Variants in RARB observed in about 807,000 individuals in gnomAD.
The protein encoded by RARB is retinoic acid receptor beta.
A neutral mutation model predicts 51.9 loss-of-function variants in RARB; 17 were observed. That is an observed-to-expected ratio of 0.33 (90% CI 0.22 to 0.49). The LOEUF (loss-of-function observed/expected upper bound fraction) is 0.49. Ranked by LOEUF, RARB falls within the 20% of genes least tolerant of loss-of-function variation. The probability of loss-of-function intolerance (pLI) is 0.99; values close to 1 mark genes in which losing one functional copy is unlikely to be tolerated. For synonymous variants in RARB, 215 were observed against 195.4 expected (o/e 1.10, Z -0.84); for missense variants, 369 against 550.8 (o/e 0.67, Z 3.30).
intron 3 of RARB, among the ~76,000 whole-genome samples, chr3:25,106,505 G>A (rs1398480199): frequency 7.8e-6 from 1 of 128,910 alleles, no homozygotes; most frequent in Non-Finnish European, 1.5e-5. Flanking sequence ...GTTTTGCCAT[G>A]TTGCCAAGGC....
chr3:25,497,635 C>G (rs931351616), intron 2 of RARB, among the ~76,000 whole-genome samples: 2 of 152,208 alleles, frequency 1.3e-5, no homozygotes, highest in African/African-American at 4.8e-5. Context: ...ATGGTTGTGA[C>G]TTGCTCAAGT....
intron 4 of RARB, among the ~76,000 whole-genome samples, chr3:25,136,629 A>T (rs1450125498): frequency 6.6e-6 from 1 of 152,098 alleles, no homozygotes; most frequent in East Asian, 1.9e-4. Context: ...AAGAACCAGC[A>T]CAAAGCTGAA....
chr3:25,507,094 C>T (rs1697645940), intron 3 of RARB, among the ~76,000 whole-genome samples: 2 of 152,246 alleles, frequency 1.3e-5, no homozygotes, highest in Non-Finnish European at 2.9e-5. Flanking sequence ...CACAAAGCTC[C>T]ATGAACCGCA....
intron 3 of RARB, among the ~76,000 whole-genome samples, chr3:25,101,763 C>T (rs1699404510): frequency 6.6e-6 from 1 of 151,652 alleles, no homozygotes; most frequent in Admixed American, 6.6e-5. Context: ...TTTTGAAAGG[C>T]TATTTGTAAT....
intron 2 of RARB, among the ~76,000 whole-genome samples, chr3:25,015,223 T>C (rs1289371865): frequency 6.6e-6 from 1 of 152,126 alleles, no homozygotes; most frequent in African/African-American, 2.4e-5. Flanking sequence ...GCTAACCATA[T>C]TATATAAGAT....
At chr3:25,555,956 T>C (rs1325137257) in intron 3 of RARB, among the ~76,000 whole-genome samples, 1 of 151,962 alleles carries the variant, frequency 6.6e-6, no homozygotes, top group African/African-American at 2.4e-5. Flanking sequence ...GGGAAGTGGA[T>C]TGTGAAGCTC....
At chr3:25,176,819 A>G (rs757627427) in intron 5 of RARB, among the ~76,000 whole-genome samples, 15 of 152,186 alleles carry the variant, frequency 9.9e-5, no homozygotes, top group Non-Finnish European at 1.9e-4. Context: ...ACAGTTACTA[A>G]TAAAGTACAA....
chr3:24,940,290 C>G (rs890056265), intron 2 of RARB, among the ~76,000 whole-genome samples: 4 of 151,820 alleles, frequency 2.6e-5, no homozygotes, highest in African/African-American at 9.7e-5. Context: ...GGGAGCAGCT[C>G]GGTGGGTGGG....
chr3:25,417,207 A>AAC (rs1179630237), intron 5 of RARB, among the ~76,000 whole-genome samples: 2 of 151,858 alleles, frequency 1.3e-5, no homozygotes, highest in East Asian at 1.9e-4. Flanking sequence ...TTAAAAAAAA[A>AAC]AAAAAACTGC....
At chr3:25,138,616 G>C (rs1700066826) in intron 4 of RARB, among the ~76,000 whole-genome samples, 1 of 152,042 alleles carries the variant, frequency 6.6e-6, no homozygotes, top group Non-Finnish European at 1.5e-5. Context: ...AAATCAAGGT[G>C]GAAGTTCAAG....
intron 5 of RARB, among the ~76,000 whole-genome samples, chr3:25,212,150 A>G (rs2125378906): frequency 6.6e-6 from 1 of 152,378 alleles, no homozygotes; most frequent in African/African-American, 2.4e-5. Flanking sequence ...GGTTGTGATT[A>G]AAAAGTTTAC....
At chr3:24,978,319 A>G (rs1696564848) in intron 2 of RARB, among the ~76,000 whole-genome samples, 1 of 152,168 alleles carries the variant, frequency 6.6e-6, no homozygotes, top group African/African-American at 2.4e-5. Context: ...GAATAGTTTC[A>G]GAAGGAATGG....
At position 25,179,595 on chromosome 3, in the gene RARB, T is replaced by C. The variant is rs146042673; in HGVS notation, c.178+5020T>C. Among the ~76,000 whole-genome samples, 3 of 152,300 alleles carry C rather than the reference T, an allele frequency of 2.0e-5. No individual in the cohort carries two copies. In the East Asian group the frequency reaches 5.8e-4, roughly 29 times the overall value. ...ACACTTCTTGGGAATTTGAGTAAAC[T>C]CAGTTATAACAGTTTTGTCCATTTT... On this transcript the variant is annotated intron_variant, in intron 5 of 11. Transcript: ENST00000383772.
chr3:25,130,333 G>A (rs558152458), intron 3 of RARB, among the ~76,000 whole-genome samples: 71 of 152,106 alleles, frequency 4.7e-4, no homozygotes, highest in Middle Eastern at 3.4e-3. Flanking sequence ...AACATACAGC[G>A]TTCCCTGAAT....
At chr3:25,120,527 A>ATCTCTCTCTC (rs138649959) in intron 3 of RARB, among the ~76,000 whole-genome samples, 8,670 of 135,990 alleles carry the variant, frequency 0.064, 467 homozygotes, top group East Asian at 0.083. Flanking sequence ...ATATATAAAA[A>ATCTCTCTCTC]TCTCTCTCTC....
intron 2 of RARB, among the ~76,000 whole-genome samples, chr3:25,492,156 G>C (rs1180410219): frequency 6.6e-6 from 1 of 152,050 alleles, no homozygotes; most frequent in Non-Finnish European, 1.5e-5. Context: ...TGAGATAATT[G>C]GTCACAAAAC....
chr3:25,169,569 A>T (rs765553070), intron 4 of RARB, among the ~76,000 whole-genome samples: 3 of 152,268 alleles, frequency 2.0e-5, no homozygotes, highest in Non-Finnish European at 2.9e-5. Flanking sequence ...ATATAAACAT[A>T]ATGTAAATGA....
At chr3:25,566,596 A>T (rs901357525) in intron 3 of RARB, among the ~76,000 whole-genome samples, 1 of 152,106 alleles carries the variant, frequency 6.6e-6, no homozygotes, top group Non-Finnish European at 1.5e-5. Flanking sequence ...GCCCCTTCCC[A>T]CAGGACCTCA....
chr3:25,296,297 C>A (rs1005431884), intron 5 of RARB, among the ~76,000 whole-genome samples: 1 of 152,056 alleles, frequency 6.6e-6, no homozygotes, highest in Non-Finnish European at 1.5e-5. Context: ...TTTTTTCCCC[C>A]AAAGAAGCTG....
Sources: allele counts gnomAD v4.1 joint callset (sites outside exome capture counted in the v4.1 genomes callset), GRCh38; gene constraint gnomAD v4.1.1; transcripts MANE v1.5; gene names NCBI Gene and HGNC (gene_info 2026-07-23, HGNC 2026-07-21).